Variants in NRXN3 observed in about 807,000 individuals in gnomAD.
NRXN3 encodes neurexin 3, also known as neurexin III.
NRXN3 carries 32 observed loss-of-function variants against 137.6 expected under a neutral mutation model. The observed-to-expected ratio is 0.23, with a 90% confidence interval of 0.18 to 0.31. NRXN3 has a LOEUF of 0.31. NRXN3 is among the 10% of genes least tolerant of loss of function. The pLI, the probability that NRXN3 is intolerant of heterozygous loss-of-function variation, is 1.00. For missense variants in NRXN3, 1,574 were observed against 2,062.5 expected, an observed-to-expected ratio of 0.76 and a Z score of 4.59; for synonymous variants, 798 against 784.5, an observed-to-expected ratio of 1.02 and a Z score of -0.29.
At chr14:78,262,110 G>A (rs917840289) in intron 2 of NRXN3, among the ~76,000 whole-genome samples, 2 of 152,182 alleles carry the variant, frequency 1.3e-5, no homozygotes, top group Non-Finnish European at 2.9e-5. Flanking sequence ...GAAGGAGCAG[G>A]GGAGAAAGCC....
In NRXN3 at chr14:79,135,289, G is replaced by GA. The variant is rs543913685; in HGVS notation, c.3262+147153dup. 3.6e-3 allele frequency among the ~76,000 whole-genome samples: 541 copies of GA among 152,236 alleles called. 2 individuals are homozygous for GA. The highest frequency in any genetic ancestry group is 0.012 in the African/African-American group (512 of 41,558). On this transcript the variant is annotated intron_variant, in intron 15 of 20. Transcript: ENST00000335750. Reference sequence around the variant, plus strand: ...GTTTCACCTCCAAGATTTTGACTCTGAAAAAGTCATAGAACCTCTCCCTTT... The same window carrying GA: ...GTTTCACCTCCAAGATTTTGACTCTGAAAAAAGTCATAGAACCTCTCCCTTT...
chr14:79,828,832 A>T (rs1385566728), intron 20 of NRXN3, among the ~76,000 whole-genome samples: 3 of 152,034 alleles, frequency 2.0e-5, no homozygotes, highest in African/African-American at 7.2e-5. Context: ...TCAAGACAGC[A>T]TACAAATTCT....
intron 19 of NRXN3, among the ~76,000 whole-genome samples, chr14:79,705,791 C>T (rs1485874897): frequency 6.6e-6 from 1 of 152,174 alleles, no homozygotes; most frequent in East Asian, 1.9e-4. Flanking sequence ...TCGCCTTTTC[C>T]TGTTTTGTTA....
chr14:78,185,804 T>A (rs1013395819), intron 1 of NRXN3, among the ~76,000 whole-genome samples: 4 of 152,190 alleles, frequency 2.6e-5, no homozygotes, highest in Admixed American at 2.0e-4. Context: ...TTTATTTTGG[T>A]TGGACCAACA....
chr14:79,440,405 A>G (rs1452310665), intron 15 of NRXN3, among the ~76,000 whole-genome samples: 2 of 152,242 alleles, frequency 1.3e-5, no homozygotes, highest in African/African-American at 2.4e-5. Flanking sequence ...GCGTATGAAC[A>G]GCATGCCTGG....
At chr14:78,225,985 GTGTGT>G (rs2064581411) in intron 1 of NRXN3, among the ~76,000 whole-genome samples, 4 of 114,872 alleles carry the variant, frequency 3.5e-5, no homozygotes, top group African/African-American at 1.1e-4. Context: ...GTGTGTGTGT[GTGTGT>G]GTGTGTGTGT....
rs1349128590 is a variant in NRXN3 at position 78,825,445 on chromosome 14, C to G, written c.2275+15101C>G. On this transcript the variant is annotated intron_variant, in intron 10 of 20. Transcript: ENST00000335750. ...TTGGTTTTGAGGTGATTTTTCCAAG[C>G]CGTCATTATTAGTAATAAGAGCTAC... is the stretch of plus-strand genomic sequence containing the variant. Among the ~76,000 whole-genome samples the G allele has an allele frequency of 2.0e-5, 3 of 152,140 alleles. No homozygotes were observed. The East Asian group carries it at 5.8e-4, about 29-fold the overall frequency.
At chr14:79,365,165 G>A (rs1266163303) in intron 15 of NRXN3, among the ~76,000 whole-genome samples, 1 of 151,970 alleles carries the variant, frequency 6.6e-6, no homozygotes, top group Non-Finnish European at 1.5e-5. Context: ...GGTTGAACTG[G>A]GTGGTAGAGA....
intron 15 of NRXN3, among the ~76,000 whole-genome samples, chr14:79,126,591 T>C (rs1025755758): frequency 1.9e-4 from 29 of 152,178 alleles, no homozygotes; most frequent in African/African-American, 6.8e-4. Flanking sequence ...ACATTTGGGT[T>C]GGTTCCAAGT....
intron 16 of NRXN3, among the ~76,000 whole-genome samples, chr14:79,500,970 A>G (rs990100741): frequency 2.6e-5 from 4 of 152,164 alleles, no homozygotes; most frequent in Non-Finnish European, 4.4e-5. Context: ...ATAAATAATA[A>G]GAGATAGGGT....
chr14:78,907,941 C>A (rs911466582), intron 10 of NRXN3, among the ~76,000 whole-genome samples: 8 of 152,006 alleles, frequency 5.3e-5, no homozygotes, highest in Non-Finnish European at 1.0e-4. Context: ...TGGCCTCCAG[C>A]TCCACCCATG....
intron 15 of NRXN3, among the ~76,000 whole-genome samples, chr14:79,106,707 C>G (rs764952152): frequency 5.3e-5 from 8 of 152,012 alleles, no homozygotes; most frequent in Non-Finnish European, 1.2e-4. Flanking sequence ...ATAAATTTTA[C>G]CATAATTGAT....
At chr14:78,995,474 T>G (rs1321428921) in intron 15 of NRXN3, among the ~76,000 whole-genome samples, 1 of 152,188 alleles carries the variant, frequency 6.6e-6, no homozygotes, top group East Asian at 1.9e-4. Context: ...TTAATATCTA[T>G]GTTACCTTGG....
At chr14:78,554,466 A>G (rs1284644196) in intron 4 of NRXN3, among the ~76,000 whole-genome samples, 3 of 152,146 alleles carry the variant, frequency 2.0e-5, no homozygotes, top group East Asian at 1.9e-4. Context: ...GTGGGGACCA[A>G]ATTGGCTTTT....
chr14:79,405,140 T>A (rs1812370135), intron 15 of NRXN3, among the ~76,000 whole-genome samples: 1 of 152,128 alleles, frequency 6.6e-6, no homozygotes, highest in African/African-American at 2.4e-5. Context: ...ACAGCCTAGC[T>A]AGGATTTATG....
chr14:78,213,103 T>G (rs1006676571), intron 1 of NRXN3, among the ~76,000 whole-genome samples: 2 of 152,166 alleles, frequency 1.3e-5, no homozygotes, highest in African/African-American at 2.4e-5. Flanking sequence ...CATCTAGTGC[T>G]TTCCTTGGAA....
At chr14:79,273,140 C>A (rs1280308257) in intron 15 of NRXN3, among the ~76,000 whole-genome samples, 1 of 138,512 alleles carries the variant, frequency 7.2e-6, no homozygotes, top group Non-Finnish European at 1.5e-5. Context: ...CCACTGCATT[C>A]CAGCCAGGGC....
chr14:78,351,212 C>T (rs1256152968), intron 4 of NRXN3, among the ~76,000 whole-genome samples: 1 of 152,150 alleles, frequency 6.6e-6, no homozygotes, highest in Non-Finnish European at 1.5e-5. Flanking sequence ...TTTTTGCCTG[C>T]TGTATAGTGT....
At chr14:79,478,720 T>C (rs2096581416) in intron 16 of NRXN3, among the ~76,000 whole-genome samples, 1 of 152,118 alleles carries the variant, frequency 6.6e-6, no homozygotes, top group Admixed American at 6.5e-5. Flanking sequence ...TCAATATTGG[T>C]ATACCTACCA....
Sources: gnomAD v4.1 joint callset for allele counts (sites outside exome capture counted in the v4.1 genomes callset) on GRCh38, gnomAD v4.1.1 for gene constraint, MANE v1.5 for transcripts, NCBI Gene and HGNC (gene_info 2026-07-23, HGNC 2026-07-21) for gene names.